The following CAST variants were observed in gnomAD, a reference collection of about 807,000 sequenced individuals.
CAST encodes the protein MIR583 host.
Under a neutral mutation model 119.6 loss-of-function variants are expected in CAST, and 76 were observed. That is an observed-to-expected ratio of 0.64 (90% confidence interval 0.53 to 0.77). The LOEUF (loss-of-function observed/expected upper bound fraction) is 0.77. CAST is among the 30% of genes least tolerant of loss of function. CAST has a pLI of 0.00. For synonymous variants in CAST, 319 were observed against 331.6 expected (o/e 0.96, Z 0.41); for missense variants, 953 against 946.5 (o/e 1.01, Z -0.09).
chr5:96,716,467 A>G lies in CAST; in HGVS notation c.211-6172A>G, dbSNP rs114091805. On this transcript the variant is annotated intron_variant, in intron 3 of 31. Transcript: ENST00000675179. ...ATACTCTTGTGTTTATTCATGTACA[A>G]ATTCATGCATTTATCTCAGATACTT... Among the ~76,000 whole-genome samples, 718 of 152,324 alleles carry G rather than the reference A, an allele frequency of 4.7e-3. 9 individuals carry two copies. Among genetic ancestry groups the G allele is most frequent in the African/African-American group, 0.017 (697 of 41,564 alleles).
At chr5:96,633,397 T>C (rs1747846691) in intron 1 of CAST, among the ~76,000 whole-genome samples, 1 of 152,278 alleles carries the variant, frequency 6.6e-6, no homozygotes, top group South Asian at 2.1e-4. Flanking sequence ...TAATGTTTTG[T>C]AGTTTTCAGT....
the CAST span, chr5:96,390,412 C>T: frequency 6.6e-6 from 1 of 152,162 alleles, no homozygotes; most frequent in Non-Finnish European, 1.5e-5. Flanking sequence ...GCATATTTTA[C>T]ATATTCTGGT....
the CAST span, chr5:96,423,178 G>A: frequency 1.3e-6 from 1 of 797,032 alleles, no homozygotes; most frequent in Non-Finnish European, 2.2e-6. Flanking sequence ...GGAAGTGGGA[G>A]AAGGGACATA....
chr5:96,414,973 G>A, the CAST span, among the ~76,000 whole-genome samples: 5 of 152,188 alleles, frequency 3.3e-5, no homozygotes, highest in Non-Finnish European at 7.3e-5. Context: ...CCAAATGCAA[G>A]GTATACTCAT....
At chr5:96,678,551 A>G (rs1303603927) in intron 2 of CAST, among the ~76,000 whole-genome samples, 1 of 152,154 alleles carries the variant, frequency 6.6e-6, no homozygotes, top group Non-Finnish European at 1.5e-5. Flanking sequence ...CCATATATAA[A>G]AATACATGGA....
chr5:96,458,703 C>T, the CAST span, among the ~76,000 whole-genome samples: 2 of 152,024 alleles, frequency 1.3e-5, no homozygotes, highest in African/African-American at 4.8e-5. Context: ...ATTGTGCAAC[C>T]CTTTTAATCT....
At chr5:96,000,145 C>T in the CAST span, among the ~76,000 whole-genome samples, 1 of 151,950 alleles carries the variant, frequency 6.6e-6, no homozygotes, top group Non-Finnish European at 1.5e-5. Context: ...TTTGTATAGT[C>T]TAGATATGTC....
chr5:96,703,602 A>G (rs977218815), intron 3 of CAST, among the ~76,000 whole-genome samples: 2 of 152,214 alleles, frequency 1.3e-5, no homozygotes, highest in African/African-American at 4.8e-5. Flanking sequence ...ACACACAGGC[A>G]GGGGGAAGTT....
the CAST span, among the ~76,000 whole-genome samples, chr5:96,395,937 C>A: frequency 6.6e-6 from 1 of 152,226 alleles, no homozygotes; most frequent in East Asian, 1.9e-4. Flanking sequence ...GTGTTAAAAT[C>A]TAAAATATCT....
chr5:96,178,655 G>A, the CAST span, among the ~76,000 whole-genome samples: 1 of 152,210 alleles, frequency 6.6e-6, no homozygotes, highest in Non-Finnish European at 1.5e-5. Flanking sequence ...AAGAGGAAAA[G>A]TGGGAGAGCC....
At chr5:96,347,883 G>C in the CAST span, among the ~76,000 whole-genome samples, 1 of 152,210 alleles carries the variant, frequency 6.6e-6, no homozygotes, top group Non-Finnish European at 1.5e-5. Context: ...CAGGGTGGAT[G>C]ATGTGGAGAG....
At chr5:96,471,031 A>C in the CAST span, among the ~76,000 whole-genome samples, 1 of 152,116 alleles carries the variant, frequency 6.6e-6, no homozygotes, top group Non-Finnish European at 1.5e-5. Context: ...GACATTCCTT[A>C]CAATAGTCCT....
At chr5:96,267,594 A>G in the CAST span, among the ~76,000 whole-genome samples, 3 of 152,202 alleles carry the variant, frequency 2.0e-5, no homozygotes. Flanking sequence ...TCAAATATGA[A>G]GAAGAGATAA....
At chr5:96,335,986 G>T in the CAST span, among the ~76,000 whole-genome samples, 1 of 152,060 alleles carries the variant, frequency 6.6e-6, no homozygotes, top group African/African-American at 2.4e-5. Context: ...CAATATAACA[G>T]TCTCTCAATT....
At chr5:96,563,135 G>C (rs1331293591) in intron 1 of CAST, among the ~76,000 whole-genome samples, 2 of 152,090 alleles carry the variant, frequency 1.3e-5, no homozygotes, top group African/African-American at 4.8e-5. Flanking sequence ...CCAGTTTATT[G>C]CCATTAGATC....
chr5:96,691,171 T>G (rs947504294), intron 2 of CAST, among the ~76,000 whole-genome samples: 1 of 152,192 alleles, frequency 6.6e-6, no homozygotes, highest in Non-Finnish European at 1.5e-5. Context: ...CTGTATATGC[T>G]CCATTATAAT....
At chr5:96,734,950 AAGATAGTGGGG>A (rs1761316797) in intron 9 of CAST, among the ~76,000 whole-genome samples, 1 of 151,990 alleles carries the variant, frequency 6.6e-6, no homozygotes, top group African/African-American at 2.4e-5. Context: ...ATGGAATAGA[AAGATAGTGGGG>A]AGAGAGGGAG....
the CAST span, among the ~76,000 whole-genome samples, chr5:96,175,498 A>G: frequency 6.6e-6 from 1 of 152,264 alleles, no homozygotes; most frequent in Non-Finnish European, 1.5e-5. Context: ...GAGAATTGAA[A>G]ATAAACTAGT....
chr5:96,475,654 C>T, the CAST span, among the ~76,000 whole-genome samples: 29 of 152,166 alleles, frequency 1.9e-4, no homozygotes, highest in East Asian at 3.5e-3. Context: ...ATTATTTTGG[C>T]GAAATCACTC....
Sources: allele counts gnomAD v4.1 joint callset (sites outside exome capture counted in the v4.1 genomes callset), GRCh38; gene constraint gnomAD v4.1.1; transcripts MANE v1.5; gene names NCBI Gene and HGNC (gene_info 2026-07-23, HGNC 2026-07-21).